Variants in XPA observed in about 807,000 individuals in gnomAD.
The protein encoded by XPA is DNA repair protein complementing XP-A cells.
Under a neutral mutation model 35.7 loss-of-function variants are expected in XPA, and 27 were observed. The observed-to-expected ratio is 0.76, with a 90% CI of 0.56 to 1.04. XPA has a LOEUF of 1.04. XPA is among the 50% of genes least tolerant of loss of function. XPA has a pLI of 0.00. For synonymous variants in XPA, 133 were observed against 118.4 expected, an observed-to-expected ratio of 1.12 and a Z score of -0.80; for missense variants, 354 against 342.7, an observed-to-expected ratio of 1.03 and a Z score of -0.26.
At chr9:97,688,113 A>G (rs191538223) in intron 3 of XPA, among the ~76,000 whole-genome samples, 23 of 152,358 alleles carry the variant, frequency 1.5e-4, no homozygotes, top group Admixed American at 1.2e-3. Flanking sequence ...ATGATGTTGA[A>G]AAAGAATGGA....
the XPA span, among the ~76,000 whole-genome samples, chr9:97,668,035 T>C: frequency 2.0e-5 from 3 of 152,196 alleles, no homozygotes; most frequent in Admixed American, 1.3e-4. Context: ...AGGGTTCTGA[T>C]AATTTTGCTT....
chr9:97,658,431 C>T, the XPA span, among the ~76,000 whole-genome samples: 1 of 152,228 alleles, frequency 6.6e-6, no homozygotes, highest in African/African-American at 2.4e-5. Flanking sequence ...CTCACCCGCA[C>T]CTCAGTGCAA....
At chr9:97,676,793 A>G (rs1828379736) in intron 5 of XPA, among the ~76,000 whole-genome samples, 1 of 152,212 alleles carries the variant, frequency 6.6e-6, no homozygotes, top group African/African-American at 2.4e-5. Flanking sequence ...TAGCATGAAA[A>G]GTACTTTGAC....
At chr9:97,697,094 A>G in intron 1 of XPA, 27 bp downstream of exon 1, 1 of 1,520,258 alleles carries the variant, frequency 6.6e-7, no homozygotes, top group Non-Finnish European at 8.8e-7. Flanking sequence ...GGGAGAGGGA[A>G]GGGGAAAGCG....
rs550459182 is a variant in XPA, at chr9:97,684,071, T to A, written c.673+852A>T. 2.0e-5 allele frequency among the ~76,000 whole-genome samples: 3 copies of A among 152,360 alleles called. No individual in the cohort carries two copies. The East Asian group carries it at 5.8e-4, about 29-fold the overall frequency. On this transcript the variant is annotated intron_variant, in intron 5 of 5. Transcript: ENST00000375128. ...TTTTTTAAGACTCTTTTAGGGATTC[T>A]GTGATAGAGCACAAAGTGACCTCTG...
At chr9:97,679,098 T>C (rs1002235202) in intron 5 of XPA, among the ~76,000 whole-genome samples, 1 of 152,170 alleles carries the variant, frequency 6.6e-6, no homozygotes, top group Non-Finnish European at 1.5e-5. Context: ...GGAGGGCAGA[T>C]TAGACATAAA....
intron 5 of XPA, 83 bp from the exon 6 acceptor site, chr9:97,675,670 A>G (rs1828340403): frequency 1.3e-6 from 2 of 1,514,116 alleles, no homozygotes; most frequent in African/African-American, 2.8e-5. Flanking sequence ...GCTTTCAGCC[A>G]TGTACATGTG....
chr9:97,682,375 A>G, intron 5 of XPA: 1 of 518,740 alleles, frequency 1.9e-6, no homozygotes, highest in Non-Finnish European at 3.8e-6. Context: ...TAATCTCTAC[A>G]GTGTCTACTC....
At chr9:97,681,188 C>A (rs1209966663) in intron 5 of XPA, among the ~76,000 whole-genome samples, 1 of 152,170 alleles carries the variant, frequency 6.6e-6, no homozygotes, top group Non-Finnish European at 1.5e-5. Context: ...AAACCCAATG[C>A]TGCTTCTGAG....
At chr9:97,657,156 CG>C in the XPA span, among the ~76,000 whole-genome samples, 1 of 151,972 alleles carries the variant, frequency 6.6e-6, no homozygotes, top group Non-Finnish European at 1.5e-5. Context: ...TTAGTAGAGA[CG>C]GGGTTTCACT....
At chr9:97,687,349 G>T in intron 3 of XPA, 88 bp from the exon 4 acceptor site, 1 of 1,155,130 alleles carries the variant, frequency 8.7e-7, no homozygotes, top group Non-Finnish European at 1.2e-6. Flanking sequence ...GGCACACACA[G>T]CAAAAAGGAC....
chr9:97,657,885 G>GCTCTCTCTCTCTCTCTCT, the XPA span, among the ~76,000 whole-genome samples: 35 of 114,002 alleles, frequency 3.1e-4, 1 homozygote, highest in African/African-American at 1.2e-3. Flanking sequence ...GCCCCGGTAA[G>GCTCTCTCTCTCTCTCTCT]CTCTCTCTCT....
chr9:97,685,969 A>C (rs1167417045), intron 4 of XPA, among the ~76,000 whole-genome samples: 1 of 152,208 alleles, frequency 6.6e-6, no homozygotes, highest in Non-Finnish European at 1.5e-5. Flanking sequence ...TAATGGCACT[A>C]TTTCACCAAG....
At chr9:97,666,885 T>C in the XPA span, 2 of 1,549,158 alleles carry the variant, frequency 1.3e-6, no homozygotes, top group Non-Finnish European at 1.8e-6. Context: ...CGGGTAAGTT[T>C]TGTGTAAACT....
chr9:97,668,888 G>T, the XPA span: 8 of 1,613,658 alleles, frequency 5.0e-6, no homozygotes, highest in Non-Finnish European at 6.8e-6. Context: ...GAAAGACGGG[G>T]TTCTTGAGGA....
chr9:97,685,069 G>A, intron 4 of XPA, 29 bp from the exon 5 acceptor site: 2 of 1,592,584 alleles, frequency 1.3e-6, no homozygotes, highest in Non-Finnish European at 1.7e-6. Context: ...ATTTAAATAA[G>A]TTGTGATTCA....
chr9:97,665,162 G>A, the XPA span, among the ~76,000 whole-genome samples: 1 of 152,196 alleles, frequency 6.6e-6, no homozygotes, highest in Non-Finnish European at 1.5e-5. Flanking sequence ...AGAGGACACT[G>A]ATCAGAAATA....
chr9:97,685,894 T>C (rs768320247), intron 4 of XPA, among the ~76,000 whole-genome samples: 107 of 152,348 alleles, frequency 7.0e-4, no homozygotes, highest in Non-Finnish European at 4.4e-4. Flanking sequence ...CATAAGTCTT[T>C]TGCACTTGCA....
chr9:97,661,790 G>T, the XPA span, among the ~76,000 whole-genome samples: 1 of 128,660 alleles, frequency 7.8e-6, no homozygotes. Flanking sequence ...GGAAACCTGT[G>T]TGATTTTTTT....
Sources: allele counts gnomAD v4.1 joint callset (sites outside exome capture counted in the v4.1 genomes callset), GRCh38; gene constraint gnomAD v4.1.1; transcripts MANE v1.5; gene names NCBI Gene and HGNC (gene_info 2026-07-23, HGNC 2026-07-21).